Variants in PDS5B observed in about 807,000 individuals in gnomAD.
PDS5B encodes the protein PDS5 cohesin associated factor B, also known as sister chromatid cohesion protein PDS5 homolog B.
In PDS5B, 51 loss-of-function variants were observed where a neutral mutation model predicts 184.1. The observed-to-expected ratio is 0.28, with a 90% CI of 0.22 to 0.35. The LOEUF is 0.35. Ranked by LOEUF, PDS5B falls within the 10% of genes least tolerant of loss-of-function variation. The pLI, the probability that PDS5B is intolerant of heterozygous loss-of-function variation, is 1.00. For missense variants in PDS5B, 1,180 were observed against 1,723.3 expected, an observed-to-expected ratio of 0.68 and a Z score of 5.58; for synonymous variants, 566 against 569.2, an observed-to-expected ratio of 0.99 and a Z score of 0.08.
intron 1 of PDS5B, among the ~76,000 whole-genome samples, chr13:32,627,013 C>CT (rs11432906): frequency 0.32 from 48,956 of 151,846 alleles, 8,184 homozygotes; most frequent in Non-Finnish European, 0.37. Flanking sequence ...CTATCTAGCA[C>CT]TTTTTTTTAT....
In PDS5B at chr13:32,684,270, A is replaced by G. The variant is rs146262824; in HGVS notation, c.1203+247A>G. The stretch of plus-strand genomic sequence containing the variant: ...ATAAGACAGCTCTTAATGGTAGTCA[A>G]TGTTTATCCTGTATACCAGTGTTAA... On this transcript the variant is annotated intron_variant, in intron 11 of 34. Coordinates refer to ENST00000315596, the MANE Select transcript of PDS5B (RefSeq NM_015032.4). Among the ~76,000 whole-genome samples, 53 of 152,298 alleles carry G rather than the reference A, an allele frequency of 3.5e-4. No homozygotes were observed. The East Asian group carries it at 4.1e-3, about 12-fold the overall frequency.
At chr13:32,730,349 C>G (rs968678967) in intron 19 of PDS5B, among the ~76,000 whole-genome samples, 3 of 152,024 alleles carry the variant, frequency 2.0e-5, no homozygotes, top group African/African-American at 7.3e-5. Context: ...GTTACTGTAG[C>G]CTTGTAGTAT....
In PDS5B at chr13:32,651,839, C is replaced by A. The variant is rs1454725407; in HGVS notation, c.144C>A (p.Asp48Glu). 1 of 1,612,498 alleles carries A rather than the reference C, an allele frequency of 6.2e-7. No individual in the cohort carries two copies. The highest frequency in any genetic ancestry group is 8.5e-7 in the Non-Finnish European group (1 of 1,178,828). ...AAACTTTTATGGATATGGACCAGGA[C>A]TCTGAAGAAGAAAAGGAGCTTTATT... The part of the protein sequence containing the change: ...VVKTFMDMDQ[D>E]SEEEKELYLN... Residue 48 changes from aspartate to glutamate, a missense_variant, in exon 3 of 35, where the codon GAC becomes GAA. Physicochemically the swap from Asp to Glu is conservative, Grantham distance 45. This residue lies in a region of PDS5B where 22 missense variants were observed against 79.3 expected (regional missense o/e 0.28). Transcript: ENST00000315596.
At chr13:32,752,714 G>A (rs543789603) in intron 24 of PDS5B, among the ~76,000 whole-genome samples, 181 of 152,264 alleles carry the variant, frequency 1.2e-3, no homozygotes, top group African/African-American at 4.1e-3. Flanking sequence ...GGAGAGGGGA[G>A]TAGTATGAGT....
rs1256729683 is a variant in PDS5B at position 32,773,315 on chromosome 13, T to C, written c.4299T>C (p.Ser1433=). The change falls in exon 34 of 35, where the codon TCT becomes TCC. Residue 1433 remains serine, a synonymous_variant. Coordinates refer to ENST00000315596, the MANE Select transcript of PDS5B (RefSeq NM_015032.4). ...AAGAAACAGAGGAGGAGGAAGTTTC[T>C]ACAGTAAATGTATGTGTTCAAAGTT... ...PQEETEEEEV[S]TVNVRRRSAK... 1.2e-6 allele frequency: 2 copies of C among 1,611,692 alleles called. No individual in the cohort carries two copies. Among genetic ancestry groups the C allele is most frequent in the Admixed American group, 1.7e-5 (1 of 59,576 alleles).
At chr13:32,723,546 TTTTC>T (rs1952792207) in intron 19 of PDS5B, among the ~76,000 whole-genome samples, 1 of 135,834 alleles carries the variant, frequency 7.4e-6, no homozygotes, top group East Asian at 2.0e-4. Flanking sequence ...TCTTAAAATT[TTTTC>T]TTTATGTTCA....
chr13:32,614,688 T>C (rs1410298722), intron 1 of PDS5B, among the ~76,000 whole-genome samples: 4 of 152,236 alleles, frequency 2.6e-5, no homozygotes, highest in African/African-American at 4.8e-5. Context: ...AAAGTAGATA[T>C]TACTTATTGC....
chr13:32,696,286 G>A (rs1369540609), intron 14 of PDS5B, among the ~76,000 whole-genome samples: 2 of 151,962 alleles, frequency 1.3e-5, no homozygotes, highest in Non-Finnish European at 2.9e-5. Flanking sequence ...TGAATAATTA[G>A]CACTCTAAGA....
chr13:32,746,729 G>A (rs1953756445), intron 24 of PDS5B, among the ~76,000 whole-genome samples: 1 of 152,170 alleles, frequency 6.6e-6, no homozygotes, highest in Non-Finnish European at 1.5e-5. Flanking sequence ...AAAGGACACT[G>A]TTTACGTATG....
intron 13 of PDS5B, chr13:32,689,163 CT>C (rs1951478912): frequency 6.6e-6 from 1 of 152,432 alleles, no homozygotes; most frequent in Non-Finnish European, 1.5e-5. Context: ...AAATTGAAGT[CT>C]TAGAGATTTG....
chr13:32,681,866 A>G (rs183958057), intron 10 of PDS5B, among the ~76,000 whole-genome samples: 2 of 152,320 alleles, frequency 1.3e-5, no homozygotes, highest in Admixed American at 1.3e-4. Context: ...AGATCCTTAA[A>G]TAAAATGAAT....
chr13:32,711,517 C>A (rs994412996), intron 19 of PDS5B, among the ~76,000 whole-genome samples: 5 of 152,078 alleles, frequency 3.3e-5, no homozygotes, highest in African/African-American at 4.8e-5. Context: ...ACCACCACAC[C>A]TGGCTAATTT....
At chr13:32,708,525 A>G (rs1391847778) in intron 18 of PDS5B, among the ~76,000 whole-genome samples, 2 of 152,172 alleles carry the variant, frequency 1.3e-5, no homozygotes, top group African/African-American at 4.8e-5. Flanking sequence ...AAATTCTTGG[A>G]GCAATATATA....
chr13:32,600,455 T>C (rs1286352292), intron 1 of PDS5B, among the ~76,000 whole-genome samples: 1 of 152,172 alleles, frequency 6.6e-6, no homozygotes. Context: ...GTCTGAGGCG[T>C]TGGCCAGGCG....
chr13:32,718,418 G>A (rs946177199), intron 19 of PDS5B, among the ~76,000 whole-genome samples: 1 of 152,152 alleles, frequency 6.6e-6, no homozygotes, highest in Admixed American at 6.5e-5. Flanking sequence ...CCAAGGTACT[G>A]GGATTAGAGG....
chr13:32,590,531 G>A (rs1266256299), intron 1 of PDS5B, among the ~76,000 whole-genome samples: 1 of 152,132 alleles, frequency 6.6e-6, no homozygotes, highest in Non-Finnish European at 1.5e-5. Flanking sequence ...TTTTATGTGG[G>A]AGAGTGAAAT....
intron 1 of PDS5B, among the ~76,000 whole-genome samples, chr13:32,588,304 A>G (rs940663098): frequency 6.6e-6 from 1 of 152,376 alleles, no homozygotes. Flanking sequence ...TTATGTGAAG[A>G]TAGATTTAGT....
intron 13 of PDS5B, chr13:32,688,877 T>G: frequency 3.1e-6 from 1 of 317,616 alleles, no homozygotes. Context: ...TTGTTTTCCT[T>G]AAGGCATTAG....
intron 23 of PDS5B, among the ~76,000 whole-genome samples, chr13:32,743,484 C>T (rs1298800973): frequency 2.0e-5 from 3 of 152,080 alleles, no homozygotes; most frequent in Non-Finnish European, 2.9e-5. Flanking sequence ...TAAAATTTAA[C>T]GTTTGTCCTC....
Sources: gnomAD v4.1 joint callset for allele counts (sites outside exome capture counted in the v4.1 genomes callset) on GRCh38, gnomAD v4.1.1 for gene constraint, gnomAD v4.1.1 regional missense constraint, MANE v1.5 for transcripts, NCBI Gene and HGNC (gene_info 2026-07-23, HGNC 2026-07-21) for gene names.